Variants in ADAMTS18 observed in about 807,000 individuals in gnomAD.
The protein encoded by ADAMTS18 is A disintegrin and metalloproteinase with thrombospondin motifs 18.
ADAMTS18 carries 157 observed loss-of-function variants against 165.9 expected under a neutral mutation model. That is an observed-to-expected ratio of 0.95 (90% confidence interval 0.83 to 1.08). The LOEUF (loss-of-function observed/expected upper bound fraction) is 1.08, where lower values mean the gene tolerates loss of function less well. Ranked by LOEUF, ADAMTS18 falls within the 50% of genes least tolerant of loss-of-function variation. ADAMTS18 has a pLI of 0.00. For synonymous variants in ADAMTS18, 782 were observed against 578.2 expected (o/e 1.35, Z -5.06); for missense variants, 2,040 against 1,534.0 (o/e 1.33, Z -5.51).
intron 8 of ADAMTS18, 64 bp downstream of exon 8, chr16:77,359,254 G>C: frequency 7.3e-7 from 1 of 1,376,820 alleles, no homozygotes; most frequent in Non-Finnish European, 1.0e-6. Context: ...ACAACGGTTA[G>C]AGGAACACCA....
chr16:77,325,741 A>T, intron 13 of ADAMTS18, 125 bp downstream of exon 13: 1 of 953,204 alleles, frequency 1.0e-6, no homozygotes, highest in Non-Finnish European at 1.5e-6. Flanking sequence ...CTGAGCCAGG[A>T]TGGGTCTGGG....
chr16:77,414,337 A>G (rs918282539), intron 3 of ADAMTS18, among the ~76,000 whole-genome samples: 1 of 152,228 alleles, frequency 6.6e-6, no homozygotes, highest in African/African-American at 2.4e-5. Context: ...CTTAGTGGAC[A>G]CTTGAAATGT....
Position 77,434,485 on chromosome 16 carries a change from G to C in ADAMTS18, c.111C>G (p.Leu37=), listed in dbSNP as rs373891774. The change falls in exon 2 of 23, where the codon CTC becomes CTG. Residue 37 remains leucine, a synonymous_variant. Transcript: ENST00000282849. ...RVAKALQLCC[L]CCASVAAALA... ...AGGCCGCGGCGACCGACGCACAGCA[G>C]AGGCAGCACAGCTGGAGCGCCTGCA... 1.9e-6 allele frequency: 3 copies of C among 1,567,856 alleles called. No individual in the cohort carries two copies. Among genetic ancestry groups the C allele is most frequent in the African/African-American group, 1.3e-5 (1 of 74,374 alleles).
At chr16:77,301,248 C>T (rs1188543762) in intron 16 of ADAMTS18, among the ~76,000 whole-genome samples, 2 of 150,874 alleles carry the variant, frequency 1.3e-5, no homozygotes, top group African/African-American at 4.9e-5. Flanking sequence ...CTTCTAACAA[C>T]TCTATAATGT....
rs529684240 is a variant in ADAMTS18 at position 77,386,313 on chromosome 16, G to T, written c.496-18590C>A. ...TACCTATACCCAACTTGGACTTTAG[G>T]ATCCAAATTTCTAAGGTTTTAAAAC... On this transcript the variant is annotated intron_variant, in intron 3 of 22. Coordinates refer to ENST00000282849, the MANE Select transcript of ADAMTS18 (RefSeq NM_199355.4). Among the ~76,000 whole-genome samples, 12 of 152,192 alleles carry T rather than the reference G, an allele frequency of 7.9e-5. No individual in the cohort carries two copies. The South Asian group carries it at 2.5e-3, about 32-fold the overall frequency.
chr16:77,403,968 T>C (rs992514749), intron 3 of ADAMTS18, among the ~76,000 whole-genome samples: 7 of 151,962 alleles, frequency 4.6e-5, no homozygotes, highest in East Asian at 3.9e-4. Flanking sequence ...TGAATGACAA[T>C]TGGAGTTTTA....
In ADAMTS18 at chr16:77,335,337, G is replaced by T. The variant is rs2056291466; in HGVS notation, c.1859+419C>A. ...AGAGTGCATTGACAGAGCTGGGAAG[G>T]GTAGTGGGGAGGGAGAATGGTAATG... On this transcript the variant is annotated intron_variant, in intron 12 of 22. Transcript: ENST00000282849. Among the ~76,000 whole-genome samples, 5 of 151,300 alleles carry T rather than the reference G, an allele frequency of 3.3e-5. No individual in the cohort carries two copies. The South Asian group carries it at 1.0e-3, about 31-fold the overall frequency.
intron 3 of ADAMTS18, among the ~76,000 whole-genome samples, chr16:77,388,227 G>C (rs2057136771): frequency 1.3e-5 from 2 of 152,170 alleles, no homozygotes. Flanking sequence ...AGCCTCCTGA[G>C]TCGCTGAGAT....
Position 77,428,754 on chromosome 16 carries a change from T to G in ADAMTS18, c.495+2541A>C, listed in dbSNP as rs557591167. The stretch of plus-strand genomic sequence containing the variant: ...AATCCTTATTGGAGCATTTCAGATT[T>G]TTTGCATTAGAGATGCTCAACCAGA... On this transcript the variant is annotated intron_variant, in intron 3 of 22. Transcript: ENST00000282849. Among the ~76,000 whole-genome samples the G allele has an allele frequency of 7.2e-3, 1,091 of 152,302 alleles. 11 individuals are homozygous for G. The highest frequency in any genetic ancestry group is 0.024 in the African/African-American group (1,012 of 41,562).
chr16:77,315,423 T>C (rs185879268), intron 16 of ADAMTS18, among the ~76,000 whole-genome samples: 4 of 152,256 alleles, frequency 2.6e-5, no homozygotes, highest in African/African-American at 7.2e-5. Flanking sequence ...ACATATACGA[T>C]TGGAGCAACA....
intron 16 of ADAMTS18, among the ~76,000 whole-genome samples, chr16:77,319,095 A>G (rs2055940135): frequency 6.6e-6 from 1 of 152,076 alleles, no homozygotes; most frequent in Admixed American, 6.6e-5. Context: ...TGGGGAAGCT[A>G]CAAACTACAA....
intron 11 of ADAMTS18, among the ~76,000 whole-genome samples, chr16:77,340,779 C>T (rs924139518): frequency 2.0e-5 from 3 of 151,932 alleles, no homozygotes; most frequent in African/African-American, 7.3e-5. Context: ...CGCTGTGTTA[C>T]CTGTTCTTGA....
chr16:77,376,511 C>A (rs274523), intron 3 of ADAMTS18, among the ~76,000 whole-genome samples: 1 of 152,022 alleles, frequency 6.6e-6, no homozygotes, highest in Non-Finnish European at 1.5e-5. Context: ...ACCCCTTCCC[C>A]TCAAGAGACA....
intron 3 of ADAMTS18, among the ~76,000 whole-genome samples, chr16:77,410,620 T>C (rs2057449744): frequency 6.6e-6 from 1 of 152,198 alleles, no homozygotes; most frequent in Non-Finnish European, 1.5e-5. Flanking sequence ...GTCCTGGGAC[T>C]AAAACCAAGT....
intron 12 of ADAMTS18, 46 bp downstream of exon 12, chr16:77,335,710 T>G: frequency 1.2e-6 from 2 of 1,612,778 alleles, no homozygotes; most frequent in Non-Finnish European, 1.7e-6. Flanking sequence ...TGTTACAGGC[T>G]GAAGGTTAAG....
rs1403947986 is a variant in ADAMTS18, at chr16:77,335,765, T to C, written c.1850A>G (p.Asn617Ser). 7.4e-6 allele frequency: 12 copies of C among 1,614,242 alleles called. No individual in the cohort carries two copies. Among genetic ancestry groups the C allele is most frequent in the African/African-American group, 1.3e-5 (1 of 75,062 alleles). ...TCTGCTGGAGGCTTACTTGGGGTTA[T>C]TGCAGTGTCTCTCCTGGAACTTGAC... Reference protein sequence around the residue: ...GGVKFQERHCNNPKPQYGGLF... With the variant: ...GGVKFQERHCSNPKPQYGGLF... Residue 617 changes from asparagine (N) to serine (S), a missense_variant, in exon 12 of 23, where the codon AAT becomes AGT. Transcript: ENST00000282849.
rs141408915 is a variant in ADAMTS18 at position 77,419,828 on chromosome 16, G to A, written c.495+11467C>T. ...AGCCTGGCCAACATGGTGAAACCCC[G>A]TCTCTACTAAAAATAGAAAAAATTA... On this transcript the variant is annotated intron_variant, in intron 3 of 22. Transcript: ENST00000282849. Among the ~76,000 whole-genome samples, 23 of 151,646 alleles carry A rather than the reference G, an allele frequency of 1.5e-4. No individual in the cohort carries two copies. In the East Asian group the frequency reaches 2.9e-3, roughly 19 times the overall value.
chr16:77,329,202 C>G (rs1032065973), intron 12 of ADAMTS18, among the ~76,000 whole-genome samples: 3 of 151,804 alleles, frequency 2.0e-5, no homozygotes, highest in African/African-American at 7.3e-5. Flanking sequence ...AATTCCTGAA[C>G]TCAAGTAATC....
chr16:77,334,831 T>A (rs1469342473), intron 12 of ADAMTS18, among the ~76,000 whole-genome samples: 4 of 125,888 alleles, frequency 3.2e-5, no homozygotes, highest in Admixed American at 1.7e-4. Context: ...TACTATATAC[T>A]ATAGTATACA....
Sources: gnomAD v4.1 joint callset for allele counts (sites outside exome capture counted in the v4.1 genomes callset) on GRCh38, gnomAD v4.1.1 for gene constraint, MANE v1.5 for transcripts, NCBI Gene and HGNC (gene_info 2026-07-23, HGNC 2026-07-21) for gene names.